The following MARCHF1 variants were observed in gnomAD, a reference collection of about 807,000 sequenced individuals.
MARCHF1 encodes membrane associated ring-CH-type finger 1.
MARCHF1 carries 40 observed loss-of-function variants against 54.2 expected under a neutral mutation model. That is an observed-to-expected ratio of 0.74 (90% CI 0.57 to 0.96). The LOEUF is 0.96. MARCHF1 is among the 40% of genes least tolerant of loss of function. MARCHF1 has a pLI of 0.00. For synonymous variants in MARCHF1, 236 were observed against 236.3 expected (o/e 1.00, Z 0.01); for missense variants, 586 against 656.5 (o/e 0.89, Z 1.17).
At chr4:163,731,122 G>C (rs911192449) in intron 4 of MARCHF1, among the ~76,000 whole-genome samples, 2 of 152,068 alleles carry the variant, frequency 1.3e-5, no homozygotes, top group African/African-American at 4.8e-5. Flanking sequence ...CAGAAAAAAA[G>C]AGTAAAGTAA....
chr4:163,753,749 C>T (rs10009742), intron 4 of MARCHF1, among the ~76,000 whole-genome samples: 51,438 of 152,032 alleles, frequency 0.34, 9,358 homozygotes, highest in Non-Finnish European at 0.42. Flanking sequence ...TCTTATTCTA[C>T]TATAGTTACA....
chr4:163,569,850 T>A (rs1739783061), intron 8 of MARCHF1, among the ~76,000 whole-genome samples: 1 of 152,198 alleles, frequency 6.6e-6, no homozygotes, highest in African/African-American at 2.4e-5. Context: ...GTACAATTAT[T>A]TATTACTCTT....
chr4:163,563,767 G>T (rs73870605), intron 8 of MARCHF1, among the ~76,000 whole-genome samples: 1 of 152,162 alleles, frequency 6.6e-6, no homozygotes, highest in Non-Finnish European at 1.5e-5. Context: ...ATACCACAAT[G>T]CTTGGCACTA....
intron 5 of MARCHF1, among the ~76,000 whole-genome samples, chr4:163,625,347 T>C (rs1235974660): frequency 2.6e-5 from 4 of 152,218 alleles, no homozygotes; most frequent in African/African-American, 4.8e-5. Flanking sequence ...CAATGTTTTA[T>C]AGTTAATCTT....
At position 163,919,144 on chromosome 4, in the gene MARCHF1, T is replaced by C. The variant is rs144189283; in HGVS notation, c.-38-64975A>G. On this transcript the variant is annotated intron_variant, in intron 3 of 9. Transcript: ENST00000514618. The stretch of plus-strand genomic sequence containing the variant: ...GTAAGCAGGAATCAGAGAGGTACCA[T>C]TGACTAACAAATGTTATTATGAGTT... Among the ~76,000 whole-genome samples the C allele has an allele frequency of 3.4e-3, 524 of 152,224 alleles. 4 individuals are homozygous for C. The highest frequency in any genetic ancestry group is 0.014 in the Middle Eastern group (4 of 294).
chr4:163,870,810 A>C (rs1318116280), intron 3 of MARCHF1, among the ~76,000 whole-genome samples: 1 of 152,162 alleles, frequency 6.6e-6, no homozygotes, highest in Non-Finnish European at 1.5e-5. Flanking sequence ...GAGAGAGTAG[A>C]ATAGTGGTTG....
intron 1 of MARCHF1, among the ~76,000 whole-genome samples, chr4:164,204,112 G>T (rs1461216217): frequency 6.6e-6 from 1 of 152,130 alleles, no homozygotes; most frequent in African/African-American, 2.4e-5. Flanking sequence ...TGAGAAACAG[G>T]CTTGATTATG....
intron 3 of MARCHF1, among the ~76,000 whole-genome samples, chr4:163,883,915 T>C (rs1218897556): frequency 6.6e-6 from 1 of 152,160 alleles, no homozygotes; most frequent in Non-Finnish European, 1.5e-5. Flanking sequence ...TTGGTATTCA[T>C]AGATCTTTGC....
intron 1 of MARCHF1, among the ~76,000 whole-genome samples, chr4:164,248,984 T>C (rs1579659415): frequency 6.6e-6 from 1 of 152,062 alleles, no homozygotes; most frequent in South Asian, 2.1e-4. Flanking sequence ...TCTAAAGAGA[T>C]GCTTTATATT....
chr4:164,057,636 G>C (rs941565165), intron 2 of MARCHF1, among the ~76,000 whole-genome samples: 3 of 152,228 alleles, frequency 2.0e-5, no homozygotes, highest in Admixed American at 6.5e-5. Context: ...ACTATATTGG[G>C]TCAAGAGGTA....
At chr4:163,867,588 C>G (rs1224061800) in intron 3 of MARCHF1, among the ~76,000 whole-genome samples, 2 of 151,566 alleles carry the variant, frequency 1.3e-5, no homozygotes, top group Non-Finnish European at 3.0e-5. Flanking sequence ...GACACTTTAC[C>G]TGAAAAATGA....
chr4:163,633,932 G>A (rs1236827249), intron 5 of MARCHF1, among the ~76,000 whole-genome samples: 3 of 152,090 alleles, frequency 2.0e-5, no homozygotes, highest in Admixed American at 2.0e-4. Flanking sequence ...AGAGAGTGGG[G>A]GCCAATATTC....
At chr4:163,616,176 C>T (rs4422380) in intron 5 of MARCHF1, among the ~76,000 whole-genome samples, 61,644 of 151,922 alleles carry the variant, frequency 0.41, 13,349 homozygotes, top group East Asian at 0.56. Context: ...TTTGTGGGTA[C>T]GACTTCAAAA....
At chr4:163,954,108 A>C (rs541379116) in intron 3 of MARCHF1, among the ~76,000 whole-genome samples, 1 of 152,196 alleles carries the variant, frequency 6.6e-6, no homozygotes, top group African/African-American at 2.4e-5. Context: ...TTAATACATA[A>C]AGAAATAACT....
intron 1 of MARCHF1, among the ~76,000 whole-genome samples, chr4:164,187,095 T>C (rs994803392): frequency 2.6e-5 from 4 of 152,054 alleles, no homozygotes; most frequent in Non-Finnish European, 5.9e-5. Context: ...CTGCACACCT[T>C]TTATGGGCAC....
chr4:163,675,909 T>A (rs923386526), intron 5 of MARCHF1, among the ~76,000 whole-genome samples: 2 of 152,132 alleles, frequency 1.3e-5, no homozygotes, highest in African/African-American at 4.8e-5. Context: ...TCTTGTCAAT[T>A]CATGCTATAT....
chr4:163,844,002 C>T (rs1234871250), intron 4 of MARCHF1, among the ~76,000 whole-genome samples: 2 of 151,790 alleles, frequency 1.3e-5, no homozygotes, highest in East Asian at 1.9e-4. Context: ...CTTTTAACTT[C>T]AGGGGTACAA....
intron 4 of MARCHF1, among the ~76,000 whole-genome samples, chr4:163,798,978 T>G (rs904099931): frequency 2.6e-5 from 4 of 152,126 alleles, no homozygotes; most frequent in Admixed American, 1.3e-4. Context: ...CTCAGTGGTG[T>G]TGTCAGGTAG....
Position 163,733,258 on chromosome 4 carries a change from T to TATACACGTGTATATATACACACACAC in MARCHF1, c.112-32396_112-32395insGTGTGTGTGTATATATACACGTGTAT, listed in dbSNP as rs1554008879. On this transcript the variant is annotated intron_variant, in intron 4 of 9. Coordinates refer to ENST00000514618, the MANE Select transcript of MARCHF1 (RefSeq NM_001394959.1). The stretch of plus-strand genomic sequence containing the variant: ...ATATATATACACGTGTATATATATA[T>TATACACGTGTATATATACACACACAC]ACACACACACACACACACAGACACA... Among the ~76,000 whole-genome samples the TATACACGTGTATATATACACACACAC allele has an allele frequency of 1.0e-3, 47 of 45,056 alleles. 1 individual carries two copies. The highest frequency in any genetic ancestry group is 2.5e-3 in the Non-Finnish European group (47 of 18,954). 29.6% of individuals were successfully genotyped at this position (45,056 alleles called of 152,430 possible).
Sources: gnomAD v4.1 joint callset for allele counts (sites outside exome capture counted in the v4.1 genomes callset) on GRCh38, gnomAD v4.1.1 for gene constraint, MANE v1.5 for transcripts, NCBI Gene and HGNC (gene_info 2026-07-23, HGNC 2026-07-21) for gene names.